Variants in SYT13 observed in about 807,000 individuals in gnomAD.
SYT13 encodes the protein synaptotagmin-13.
SYT13 carries 21 observed loss-of-function variants against 38.6 expected under a neutral mutation model. The ratio of observed to expected loss-of-function variants is 0.54; its 90% CI spans 0.39 to 0.78. SYT13 has a LOEUF of 0.78. SYT13 is among the 30% of genes least tolerant of loss of function. SYT13 has a pLI of 0.00. For synonymous variants in SYT13, 241 were observed against 237.6 expected (o/e 1.01, Z -0.13); for missense variants, 495 against 548.7 (o/e 0.90, Z 0.98).
At chr11:45,269,112 G>T (rs549960094) in intron 1 of SYT13, among the ~76,000 whole-genome samples, 1 of 152,056 alleles carries the variant, frequency 6.6e-6, no homozygotes, top group Non-Finnish European at 1.5e-5. Flanking sequence ...TCATAGAGAC[G>T]CTGACTTTGG....
chr11:45,275,303 T>C (rs918200703), intron 1 of SYT13, among the ~76,000 whole-genome samples: 4 of 152,226 alleles, frequency 2.6e-5, no homozygotes, highest in African/African-American at 4.8e-5. Flanking sequence ...CAATGAAATA[T>C]GTCAAAATAT....
rs573079172 is a variant in SYT13 at position 45,246,748 on chromosome 11, A to G, written c.847-236T>C. Among the ~76,000 whole-genome samples the G allele has an allele frequency of 3.3e-5, 5 of 152,290 alleles. No individual in the cohort carries two copies. In the South Asian group the frequency reaches 8.3e-4, roughly 25 times the overall value. The stretch of plus-strand genomic sequence containing the variant: ...TGTTTGCCTCAAAATGTGATTTTTC[A>G]TATACCATATACTCAAATCCAACAT... On this transcript the variant is annotated intron_variant, in intron 4 of 5. Transcript: ENST00000020926.
At chr11:45,256,592 C>A (rs1854750269) in intron 1 of SYT13, among the ~76,000 whole-genome samples, 1 of 152,184 alleles carries the variant, frequency 6.6e-6, no homozygotes, top group African/African-American at 2.4e-5. Flanking sequence ...ATCACCACAT[C>A]CCACTCTTTG....
At chr11:45,261,056 G>C (rs747520917) in intron 1 of SYT13, among the ~76,000 whole-genome samples, 2 of 152,160 alleles carry the variant, frequency 1.3e-5, no homozygotes, top group African/African-American at 2.4e-5. Flanking sequence ...AATGAGCAAA[G>C]GATTTAAATA....
At chr11:45,272,062 G>A (rs1332839709) in intron 1 of SYT13, among the ~76,000 whole-genome samples, 1 of 152,164 alleles carries the variant, frequency 6.6e-6, no homozygotes, top group African/African-American at 2.4e-5. Context: ...GGATGAAGCT[G>A]GGAACCATCA....
At chr11:45,267,579 C>T (rs1854900129) in intron 1 of SYT13, among the ~76,000 whole-genome samples, 1 of 152,098 alleles carries the variant, frequency 6.6e-6, no homozygotes, top group East Asian at 1.9e-4. Context: ...GGTAGACACC[C>T]CCTCTCTCAT....
At chr11:45,283,219 G>T (rs1023276926) in intron 1 of SYT13, among the ~76,000 whole-genome samples, 8 of 152,156 alleles carry the variant, frequency 5.3e-5, no homozygotes, top group African/African-American at 1.9e-4. Context: ...ACTTCATCCA[G>T]CCATTCAGGG....
chr11:45,241,894 A>G lies in SYT13; in HGVS notation c.*2158T>C, dbSNP rs1219071441. On this transcript the variant is annotated 3_prime_UTR_variant, in exon 6 of 6. Transcript: ENST00000020926. ...CACAACACTTGGCAGGGGCTGGCCAACCTCAGTGATGAAGGTTTCCAATTA... is the reference window on the plus strand; with the variant it reads ...CACAACACTTGGCAGGGGCTGGCCAGCCTCAGTGATGAAGGTTTCCAATTA... The G allele has an allele frequency of 6.6e-6, 1 of 152,240 alleles. No homozygotes were observed. The highest frequency in any genetic ancestry group is 1.5e-5 in the Non-Finnish European group (1 of 68,038). 9.4% of individuals were successfully genotyped at this position (152,240 alleles called of 1,614,324 possible).
rs909302465 is a variant in SYT13 at position 45,242,833 on chromosome 11, T to C, written c.*1219A>G. ...CTCAGCAAGGCTCATAATTTAGATTTAATTAACAATGTGGACATCTGTTTA... is the reference window on the plus strand; with the variant it reads ...CTCAGCAAGGCTCATAATTTAGATTCAATTAACAATGTGGACATCTGTTTA... On this transcript the variant is annotated 3_prime_UTR_variant, in exon 6 of 6. Transcript: ENST00000020926. 1 of 152,342 alleles carries C rather than the reference T, an allele frequency of 6.6e-6. No homozygotes were observed. The highest frequency in any genetic ancestry group is 6.5e-5 in the Admixed American group (1 of 15,302). The allele number at this position is 152,342 out of a possible 1,614,324, so 9.4% of individuals were successfully genotyped here.
chr11:45,270,070 A>T (rs1854931635), intron 1 of SYT13, among the ~76,000 whole-genome samples: 1 of 152,156 alleles, frequency 6.6e-6, no homozygotes, highest in South Asian at 2.1e-4. Context: ...GGCTGTCAGC[A>T]ATGTGTTTCA....
Position 45,252,391 on chromosome 11 carries a change from T to A in SYT13, c.846+30A>T. 6.5e-7 allele frequency: 1 copy of A among 1,533,318 alleles called. No individual in the cohort carries two copies. The highest frequency in any genetic ancestry group is 1.2e-5 in the South Asian group (1 of 82,190). 95.0% of individuals were successfully genotyped at this position (1,533,318 alleles called of 1,614,324 possible). ...GCCATCCCATGCTGCACGGGCAGGT[T>A]TTACCTTTCTAACCCAGGGGTTACC... On this transcript the variant is annotated intron_variant, in intron 4 of 5. Coordinates refer to ENST00000020926, the MANE Select transcript of SYT13 (RefSeq NM_020826.3). This position sits in a 1 kb window ranked among gnomAD's most constrained non-coding sequence, Gnocchi z 4.3.
At chr11:45,264,236 T>A (rs1854854483) in intron 1 of SYT13, among the ~76,000 whole-genome samples, 1 of 152,218 alleles carries the variant, frequency 6.6e-6, no homozygotes, top group Admixed American at 6.5e-5. Flanking sequence ...GGTGCCTCTA[T>A]GATGAGACCT....
chr11:45,252,744 C>T lies in SYT13; in HGVS notation c.545-22G>A. ...ACAGCTGCAGGCAAGGAGAACAACA[C>T]AGGCGTGGGACTTTCTGAGGACAAG... On this transcript the variant is annotated intron_variant, in intron 3 of 5. Coordinates refer to ENST00000020926, the MANE Select transcript of SYT13 (RefSeq NM_020826.3). The surrounding 1 kb of genome is among the most constrained non-coding windows in gnomAD (Gnocchi z 4.3). The T allele has an allele frequency of 1.3e-6, 2 of 1,545,744 alleles. No individual in the cohort carries two copies. The highest frequency in any genetic ancestry group is 1.8e-6 in the Non-Finnish European group (2 of 1,140,656).
chr11:45,247,052 G>A (rs1489817909), intron 4 of SYT13, among the ~76,000 whole-genome samples: 1 of 152,216 alleles, frequency 6.6e-6, no homozygotes, highest in Non-Finnish European at 1.5e-5. Flanking sequence ...GTGCTGGGGT[G>A]TATGATGGTA....
intron 4 of SYT13, among the ~76,000 whole-genome samples, chr11:45,247,579 GCC>G (rs764658151): frequency 2.0e-4 from 31 of 152,312 alleles, no homozygotes; most frequent in Admixed American, 7.2e-4. Context: ...CCAGGCTGGA[GCC>G]CTGGCTAACA....
At chr11:45,270,279 G>T (rs542846803) in intron 1 of SYT13, among the ~76,000 whole-genome samples, 1 of 152,130 alleles carries the variant, frequency 6.6e-6, no homozygotes, top group South Asian at 2.1e-4. Context: ...GTTTAATATT[G>T]GTTCATTTGA....
At chr11:45,280,150 T>C (rs989832278) in intron 1 of SYT13, among the ~76,000 whole-genome samples, 1 of 152,206 alleles carries the variant, frequency 6.6e-6, no homozygotes, top group Non-Finnish European at 1.5e-5. Context: ...GCAGCATCTG[T>C]CCATCCTCAC....
chr11:45,244,861 A>G (rs1854595839), intron 5 of SYT13, among the ~76,000 whole-genome samples: 1 of 152,180 alleles, frequency 6.6e-6, no homozygotes, highest in South Asian at 2.1e-4. Flanking sequence ...ATGTTAGAGT[A>G]CCAAGAGGGA....
At position 45,244,134 on chromosome 11, in the gene SYT13, G is replaced by A. The variant is rs762066763; in HGVS notation, c.1199C>T (p.Ser400Leu). Reference sequence around the variant, plus strand: ...CTCCCAGTGGCTGCGCTCAGAGCCCGAGGTGTGCAGGCCCAGGCTGCAGTG... The same window carrying A: ...CTCCCAGTGGCTGCGCTCAGAGCCCAAGGTGTGCAGGCCCAGGCTGCAGTG... ...LGHCSLGLHT[S>L]GSERSHWEEM... is the part of the protein sequence containing the mutation. The change falls in exon 6 of 6, where the codon TCG (serine) becomes TTG (leucine). Residue 400 changes from serine (S) to leucine (L), a missense_variant. Transcript: ENST00000020926. 15 of 1,613,420 alleles carry A rather than the reference G, an allele frequency of 9.3e-6. No homozygotes were observed. Among genetic ancestry groups the A allele is most frequent in the South Asian group, 2.2e-5 (2 of 91,076 alleles).
Sources: allele counts gnomAD v4.1 joint callset (sites outside exome capture counted in the v4.1 genomes callset), GRCh38; gene constraint gnomAD v4.1.1; non-coding constraint Gnocchi (gnomAD v3.1); transcripts MANE v1.5; gene names NCBI Gene and HGNC (gene_info 2026-07-23, HGNC 2026-07-21).